TBCA: variants seen among roughly 807,000 people sequenced by gnomAD.
The protein encoded by TBCA is tubulin folding cofactor A, also known as tubulin-specific chaperone A.
TBCA carries 6 observed loss-of-function variants against 15.8 expected under a neutral mutation model. That is an observed-to-expected ratio of 0.38 (90% CI 0.21 to 0.75). The LOEUF (loss-of-function observed/expected upper bound fraction) is 0.75. TBCA is among the 30% of genes least tolerant of loss of function. The pLI, the probability that TBCA is intolerant of heterozygous loss-of-function variation, is 0.46. For missense variants in TBCA, 90 were observed against 131.2 expected, an observed-to-expected ratio of 0.69 and a Z score of 1.53; for synonymous variants, 32 against 42.3, an observed-to-expected ratio of 0.76 and a Z score of 0.94.
chr5:77,702,078 C>T (rs1409997301), intron 2 of TBCA, among the ~76,000 whole-genome samples: 1 of 152,010 alleles, frequency 6.6e-6, no homozygotes, highest in South Asian at 2.1e-4. Flanking sequence ...GACTACAAAT[C>T]AGGTACAGTG....
chr5:77,718,853 C>A (rs920834785), intron 1 of TBCA, among the ~76,000 whole-genome samples: 2 of 152,186 alleles, frequency 1.3e-5, no homozygotes, highest in African/African-American at 4.8e-5. Flanking sequence ...CCAACCAACT[C>A]ATTCTTCAAA....
At chr5:77,705,873 A>G (rs1208090498) in intron 2 of TBCA, among the ~76,000 whole-genome samples, 1 of 152,184 alleles carries the variant, frequency 6.6e-6, no homozygotes, top group Non-Finnish European at 1.5e-5. Context: ...GGGACATACT[A>G]TATCTACACA....
intron 2 of TBCA, among the ~76,000 whole-genome samples, chr5:77,695,280 A>G (rs1052665067): frequency 1.4e-4 from 21 of 152,342 alleles, no homozygotes; most frequent in African/African-American, 5.1e-4. Flanking sequence ...CAGGACTCCA[A>G]CTTACACAGG....
At chr5:77,702,098 T>C (rs1220919101) in intron 2 of TBCA, among the ~76,000 whole-genome samples, 1 of 152,064 alleles carries the variant, frequency 6.6e-6, no homozygotes. Flanking sequence ...GTACACTGCT[T>C]GGGTGATGGG....
At chr5:77,750,594 A>C (rs1399068185) in intron 1 of TBCA, among the ~76,000 whole-genome samples, 1 of 152,246 alleles carries the variant, frequency 6.6e-6, no homozygotes, top group African/African-American at 2.4e-5. Context: ...CAAAAGAAGC[A>C]GTGACAGACA....
At chr5:77,749,637 T>A (rs1312294955) in intron 1 of TBCA, among the ~76,000 whole-genome samples, 1 of 152,230 alleles carries the variant, frequency 6.6e-6, no homozygotes, top group African/African-American at 2.4e-5. Context: ...TAGAACTCTT[T>A]AAGGCCAATT....
intron 3 of TBCA, chr5:77,692,382 A>C (rs772378515): frequency 3.4e-5 from 33 of 984,244 alleles, no homozygotes; most frequent in Non-Finnish European, 3.9e-5. Flanking sequence ...AAGCTCTTCA[A>C]GGGCAGAGAT....
chr5:77,703,655 C>T (rs1384875151), intron 2 of TBCA, among the ~76,000 whole-genome samples: 1 of 152,178 alleles, frequency 6.6e-6, no homozygotes, highest in Non-Finnish European at 1.5e-5. Flanking sequence ...CGGCTCACTG[C>T]AGCCTTGACC....
intron 1 of TBCA, among the ~76,000 whole-genome samples, chr5:77,711,428 G>T (rs1321418823): frequency 6.6e-6 from 1 of 152,056 alleles, no homozygotes; most frequent in Non-Finnish European, 1.5e-5. Context: ...CTACACCGAA[G>T]CCATTTACTT....
intron 1 of TBCA, among the ~76,000 whole-genome samples, chr5:77,724,659 C>T (rs537315906): frequency 1.3e-5 from 2 of 152,194 alleles, no homozygotes; most frequent in South Asian, 4.1e-4. Flanking sequence ...TCCCTTACCA[C>T]ATGAAATGGC....
At chr5:77,774,907 A>T (rs1322017434) in intron 1 of TBCA, among the ~76,000 whole-genome samples, 1 of 152,146 alleles carries the variant, frequency 6.6e-6, no homozygotes, top group Non-Finnish European at 1.5e-5. Flanking sequence ...AGCCAAAAAG[A>T]AAAGTCAAGC....
chr5:77,693,048 A>G, intron 3 of TBCA: 1 of 1,431,034 alleles, frequency 7.0e-7, no homozygotes, highest in East Asian at 2.5e-5. Flanking sequence ...AAATTTTAAT[A>G]AACTGAACAA....
intron 1 of TBCA, among the ~76,000 whole-genome samples, chr5:77,766,337 G>A (rs1401790524): frequency 6.6e-6 from 1 of 152,008 alleles, no homozygotes; most frequent in African/African-American, 2.4e-5. Flanking sequence ...TTTAAAAAAT[G>A]TAAAATTGTT....
intron 1 of TBCA, among the ~76,000 whole-genome samples, chr5:77,766,421 A>G (rs1217000235): frequency 6.6e-6 from 1 of 152,024 alleles, no homozygotes; most frequent in East Asian, 1.9e-4. Flanking sequence ...ATCCTGAAAA[A>G]TGTCTATTTG....
At chr5:77,771,803 AG>A (rs1240553525) in intron 1 of TBCA, among the ~76,000 whole-genome samples, 1 of 152,216 alleles carries the variant, frequency 6.6e-6, no homozygotes, top group Non-Finnish European at 1.5e-5. Context: ...GTGTTCCACC[AG>A]GTCTAATCAG....
At chr5:77,739,306 CA>C (rs1167425196) in intron 1 of TBCA, among the ~76,000 whole-genome samples, 1 of 151,942 alleles carries the variant, frequency 6.6e-6, no homozygotes, top group Non-Finnish European at 1.5e-5. Flanking sequence ...ACTAAAAATA[CA>C]AAAATTAGCC....
At chr5:77,704,295 A>C (rs1203281926) in intron 2 of TBCA, among the ~76,000 whole-genome samples, 9 of 152,144 alleles carry the variant, frequency 5.9e-5, no homozygotes, top group African/African-American at 1.7e-4. Context: ...AAAGAACCAA[A>C]ATTATAACTA....
intron 2 of TBCA, among the ~76,000 whole-genome samples, chr5:77,695,921 A>C (rs150599507): frequency 4.7e-4 from 71 of 152,284 alleles, no homozygotes; most frequent in African/African-American, 1.7e-3. Flanking sequence ...TATTTGGTAA[A>C]ATGGAAGTTG....
chr5:77,718,085 G>A (rs1046673170), intron 1 of TBCA, among the ~76,000 whole-genome samples: 2 of 152,080 alleles, frequency 1.3e-5, no homozygotes, highest in African/African-American at 2.4e-5. Flanking sequence ...AGCTGAGATC[G>A]CACAACTGCA....
Sources: allele counts gnomAD v4.1 joint callset (sites outside exome capture counted in the v4.1 genomes callset), GRCh38; gene constraint gnomAD v4.1.1; transcripts MANE v1.5; gene names NCBI Gene and HGNC (gene_info 2026-07-23, HGNC 2026-07-21).